Variants in CACNA1C observed in about 807,000 individuals in gnomAD.
CACNA1C encodes calcium voltage-gated channel subunit alpha1 C.
Under a neutral mutation model 229.0 loss-of-function variants are expected in CACNA1C, and 30 were observed. The observed-to-expected ratio is 0.13, with a 90% CI of 0.10 to 0.18. The LOEUF (loss-of-function observed/expected upper bound fraction) is 0.18, where lower values mean the gene tolerates loss of function less well. Ranked by LOEUF, CACNA1C falls within the 10% of genes least tolerant of loss-of-function variation. The probability of loss-of-function intolerance (pLI) is 1.00; values close to 1 mark genes in which losing one functional copy is unlikely to be tolerated. For synonymous variants in CACNA1C, 1,114 were observed against 1,132.5 expected (o/e 0.98, Z 0.33); for missense variants, 1,658 against 2,845.0 (o/e 0.58, Z 9.49).
At chr12:1,996,630 AAAAAAAAAAAAAAAAAAAAAAAAAACAAC>A (rs1565869346) in intron 1 of CACNA1C, among the ~76,000 whole-genome samples, 2 of 113,004 alleles carry the variant, frequency 1.8e-5, no homozygotes, top group African/African-American at 4.1e-5. Flanking sequence ...AAAAAAAAAA[AAAAAAAAAAAAAAAAAAAAAAAAAACAAC>A]AAACTCTTCT....
chr12:1,999,341 T>TAAAGA (rs1461604768), intron 1 of CACNA1C, among the ~76,000 whole-genome samples: 1 of 152,212 alleles, frequency 6.6e-6, no homozygotes, highest in Non-Finnish European at 1.5e-5. Flanking sequence ...CAAGAGTAAA[T>TAAAGA]GGCTATAAAA....
In CACNA1C at chr12:2,503,510, A is replaced by AG. The variant is rs2099765106; in HGVS notation, c.1114-1331dup. 3.3e-5 allele frequency among the ~76,000 whole-genome samples: 5 copies of AG among 152,312 alleles called. No individual in the cohort carries two copies. The South Asian group carries it at 1.0e-3, about 32-fold the overall frequency. ...CACGTCCACCCTCCAGCCAGTGGTG[A>AG]GCTAATAAATGTTTAAGCATCTCTT... is the stretch of plus-strand genomic sequence containing the variant. On this transcript the variant is annotated intron_variant, in intron 7 of 46. Transcript: ENST00000399655.
intron 3 of CACNA1C, 149 bp downstream of exon 3, chr12:2,120,579 A>T: frequency 9.2e-6 from 6 of 652,228 alleles, no homozygotes; most frequent in East Asian, 2.6e-5. Context: ...GTGCTGTTTT[A>T]CTCTTTATTC....
intron 3 of CACNA1C, among the ~76,000 whole-genome samples, chr12:2,270,853 G>A (rs1019355574): frequency 6.6e-6 from 1 of 152,178 alleles, no homozygotes; most frequent in Non-Finnish European, 1.5e-5. Flanking sequence ...AGCAAGTGCT[G>A]GCACAGACAG....
intron 3 of CACNA1C, among the ~76,000 whole-genome samples, chr12:2,206,217 A>G (rs1190654583): frequency 6.6e-6 from 1 of 152,156 alleles, no homozygotes; most frequent in Non-Finnish European, 1.5e-5. Flanking sequence ...GAGACTTACA[A>G]CCCAGCCCTT....
chr12:2,344,253 G>A (rs1408435463), intron 3 of CACNA1C, among the ~76,000 whole-genome samples: 1 of 152,164 alleles, frequency 6.6e-6, no homozygotes, highest in Non-Finnish European at 1.5e-5. Flanking sequence ...AATAGAAGTT[G>A]TGGATAAGTT....
chr12:2,051,430 T>G (rs1283358626), upstream of CACNA1C, among the ~76,000 whole-genome samples: 1 of 152,226 alleles, frequency 6.6e-6, no homozygotes. Context: ...TGGATGGTTT[T>G]GAGCAGAGGA....
chr12:2,360,069 G>T (rs984426590), intron 3 of CACNA1C, among the ~76,000 whole-genome samples: 2 of 151,658 alleles, frequency 1.3e-5, no homozygotes, highest in Non-Finnish European at 2.9e-5. Context: ...ATACAATTTC[G>T]TGGGCCCTAT....
chr12:2,459,087 A>T (rs1284625982), intron 5 of CACNA1C, among the ~76,000 whole-genome samples: 1 of 144,626 alleles, frequency 6.9e-6, no homozygotes, highest in African/African-American at 2.6e-5. Flanking sequence ...GGTTCAAGCG[A>T]TTCTCCTGCC....
chr12:2,329,926 G>A (rs905335542), intron 3 of CACNA1C, among the ~76,000 whole-genome samples: 22 of 152,188 alleles, frequency 1.4e-4, no homozygotes, highest in Non-Finnish European at 3.2e-4. Context: ...GTCTGTTGCT[G>A]GAACAGTTGA....
chr12:2,641,730 C>T (rs774041782), intron 30 of CACNA1C: 1 of 702,534 alleles, frequency 1.4e-6, no homozygotes, highest in South Asian at 1.5e-5. Flanking sequence ...CGATGCTCAA[C>T]CTGCAGGTGG....
chr12:2,578,425 C>A (rs1317668498), intron 13 of CACNA1C, among the ~76,000 whole-genome samples: 2 of 152,128 alleles, frequency 1.3e-5, no homozygotes, highest in Non-Finnish European at 2.9e-5. Flanking sequence ...TTTGGGAGGA[C>A]TCTGGCTTTG....
chr12:2,168,256 A>G (rs79791290), intron 3 of CACNA1C, among the ~76,000 whole-genome samples: 1,961 of 152,344 alleles, frequency 0.013, 42 homozygotes, highest in African/African-American at 0.043. Context: ...TCTTAGAAAC[A>G]TTGCTGGGCA....
intron 3 of CACNA1C, among the ~76,000 whole-genome samples, chr12:2,394,458 A>G (rs1199273052): frequency 6.6e-6 from 1 of 152,254 alleles, no homozygotes; most frequent in African/African-American, 2.4e-5. Flanking sequence ...ATACCTTTAA[A>G]TATTAAATAT....
At chr12:2,036,124 T>C (rs183528592) in intron 1 of CACNA1C, among the ~76,000 whole-genome samples, 8 of 152,354 alleles carry the variant, frequency 5.3e-5, no homozygotes, top group Non-Finnish European at 7.3e-5. Context: ...AAGTGCTGCA[T>C]TGGTATCGTG....
In CACNA1C at chr12:2,671,892, T is replaced by C. The variant is rs186732135; in HGVS notation, c.4727-2649T>C. On this transcript the variant is annotated intron_variant, in intron 38 of 46. Coordinates refer to ENST00000399655, the MANE Select transcript of CACNA1C (RefSeq NM_000719.7). ...CCCAAGGGTGAGCCTTCATCAGACATGGGCCCTCCATAAACTTGTTAAAAT... is the reference window on the plus strand; with the variant it reads ...CCCAAGGGTGAGCCTTCATCAGACACGGGCCCTCCATAAACTTGTTAAAAT... 4.7e-5 allele frequency among the ~76,000 whole-genome samples: 7 copies of C among 148,732 alleles called. No individual in the cohort carries two copies. In the East Asian group the frequency reaches 5.9e-4, roughly 12 times the overall value.
At chr12:2,194,269 C>G (rs375196274) in intron 3 of CACNA1C, among the ~76,000 whole-genome samples, 1 of 129,518 alleles carries the variant, frequency 7.7e-6, no homozygotes, top group Non-Finnish European at 1.7e-5. Flanking sequence ...TCCTCCTCCT[C>G]CTCCTCCTGC....
intron 29 of CACNA1C, among the ~76,000 whole-genome samples, chr12:2,624,046 G>A (rs1013731981): frequency 6.6e-6 from 1 of 152,210 alleles, no homozygotes; most frequent in Non-Finnish European, 1.5e-5. Context: ...CCAGTGAGAG[G>A]TGCTGGGCCC....
chr12:2,361,665 C>T (rs2097561766), intron 3 of CACNA1C, among the ~76,000 whole-genome samples: 1 of 152,198 alleles, frequency 6.6e-6, no homozygotes, highest in South Asian at 2.1e-4. Context: ...CATCCCATCC[C>T]AGGACTGTCT....
Sources: allele counts gnomAD v4.1 joint callset (sites outside exome capture counted in the v4.1 genomes callset), GRCh38; gene constraint gnomAD v4.1.1; transcripts MANE v1.5; gene names NCBI Gene and HGNC (gene_info 2026-07-23, HGNC 2026-07-21).